Variants in SLC38A10 observed in about 807,000 individuals in gnomAD.
SLC38A10 encodes solute carrier family 38 member 10, also known as Sodium-coupled neutral amino acid transporter 10.
Under a neutral mutation model 81.0 loss-of-function variants are expected in SLC38A10, and 53 were observed. That is an observed-to-expected ratio of 0.65 (90% CI 0.53 to 0.82). The LOEUF is 0.82. Among genes scored for constraint, SLC38A10 ranks in the 40% least tolerant of loss-of-function variants. The probability of loss-of-function intolerance (pLI) is 0.00; values close to 1 mark genes in which losing one functional copy is unlikely to be tolerated. For missense variants in SLC38A10, 1,471 were observed against 1,545.0 expected, an observed-to-expected ratio of 0.95 and a Z score of 0.80; for synonymous variants, 665 against 655.3, an observed-to-expected ratio of 1.01 and a Z score of -0.23.
At chr17:81,251,667 G>C (rs146693715) in intron 13 of SLC38A10, 55 bp from the exon 14 acceptor site, 6 of 1,449,730 alleles carry the variant, frequency 4.1e-6, no homozygotes, top group South Asian at 1.5e-5. Flanking sequence ...GGGAGGGTTT[G>C]GGGGGTTGGG....
chr17:81,246,073 G>C lies in SLC38A10; in HGVS notation c.2843C>G (p.Ala948Gly). 6.2e-7 allele frequency: 1 copy of C among 1,608,740 alleles called. No individual in the cohort carries two copies. Among genetic ancestry groups the C allele is most frequent in the East Asian group, 2.2e-5 (1 of 44,866 alleles). ...TAACACAGCCTGGGGCTGTGCAGCT[G>C]CTCCTTCCGCCCCACCGGGCAGGTC... ...AADLPGGAEG[A>G]AAQPQAVLRQ... is the part of the protein sequence containing the mutation. Residue 948 changes from alanine (A) to glycine (G), a missense_variant, in exon 16 of 16, where the codon GCA becomes GGA. Transcript: ENST00000374759.
Position 81,294,975 on chromosome 17 carries a change from G to T in SLC38A10, c.-54C>A. Reference sequence around the variant, plus strand: ...AGGCCTCGGGGGTCGCCGGGCTGCGGCCGGCTTTGGAAGCCCAGCCCGAGG... The same window carrying T: ...AGGCCTCGGGGGTCGCCGGGCTGCGTCCGGCTTTGGAAGCCCAGCCCGAGG... On this transcript the variant is annotated 5_prime_UTR_variant, in exon 1 of 16. Coordinates refer to ENST00000374759, the MANE Select transcript of SLC38A10 (RefSeq NM_001037984.3). The T allele has an allele frequency of 6.6e-7, 1 of 1,522,556 alleles. No homozygotes were observed. The highest frequency in any genetic ancestry group is 1.2e-5 in the South Asian group (1 of 81,936). The allele number at this position is 1,522,556 out of a possible 1,614,324, so 94.3% of individuals were successfully genotyped here.
Position 81,283,559 on chromosome 17 carries a change from G to A in SLC38A10, c.264-57C>T. 7.1e-7 allele frequency: 1 copy of A among 1,408,582 alleles called. No homozygotes were observed. The highest frequency in any genetic ancestry group is 9.9e-7 in the Non-Finnish European group (1 of 1,010,758). 87.3% of individuals were successfully genotyped at this position (1,408,582 alleles called of 1,614,324 possible). ...ATCAGGGCAAGCTGGCACACACCTG[G>A]GCTGCCGCCAGGGACTACCCCAAGG... On this transcript the variant is annotated intron_variant, in intron 3 of 15. Coordinates refer to ENST00000374759, the MANE Select transcript of SLC38A10 (RefSeq NM_001037984.3). The surrounding 1 kb of genome is among the most constrained non-coding windows in gnomAD (Gnocchi z 4.7).
intron 13 of SLC38A10, 108 bp from the exon 14 acceptor site, chr17:81,251,720 T>C (rs1484079648): frequency 8.0e-7 from 1 of 1,245,788 alleles, no homozygotes; most frequent in African/African-American, 1.5e-5. Context: ...GGCAGATGTT[T>C]CTAAAGTGAC....
Position 81,277,022 on chromosome 17 carries a change from G to C in SLC38A10, c.729+9C>G. 1.9e-6 allele frequency: 3 copies of C among 1,613,162 alleles called. No homozygotes were observed. Among genetic ancestry groups the C allele is most frequent in the South Asian group, 1.1e-5 (1 of 91,038 alleles). Reference sequence around the variant, plus strand: ...CACAGGGGCGGAGAGGGCGTGGCAAGGCTCTTACCATGACGTAGAAGGTGG... The same window carrying C: ...CACAGGGGCGGAGAGGGCGTGGCAACGCTCTTACCATGACGTAGAAGGTGG... On this transcript the variant is annotated intron_variant, in intron 7 of 15. Coordinates refer to ENST00000374759, the MANE Select transcript of SLC38A10 (RefSeq NM_001037984.3). This position sits in a 1 kb window ranked among gnomAD's most constrained non-coding sequence, Gnocchi z 4.5.
rs530876047 is a variant in SLC38A10 at position 81,286,613 on chromosome 17, C to T, written c.218-1718G>A. On this transcript the variant is annotated intron_variant, in intron 2 of 15. Coordinates refer to ENST00000374759, the MANE Select transcript of SLC38A10 (RefSeq NM_001037984.3). This position sits in a 1 kb window ranked among gnomAD's most constrained non-coding sequence, Gnocchi z 6.0. ...AGGTCCCGGGGACCCAGCCCTCCCC[C>T]GAGTGTGGACTCCCAGTGCGGGCCC... Among the ~76,000 whole-genome samples, 11 of 152,308 alleles carry T rather than the reference C, an allele frequency of 7.2e-5. No individual in the cohort carries two copies. Among genetic ancestry groups the T allele is most frequent in the African/African-American group, 2.4e-4 (10 of 41,568 alleles).
At position 81,289,864 on chromosome 17, in the gene SLC38A10, C is replaced by G; in HGVS notation, c.100-56G>C. The G allele has an allele frequency of 5.6e-6, 8 of 1,427,604 alleles. No individual in the cohort carries two copies. Among genetic ancestry groups the G allele is most frequent in the Non-Finnish European group, 7.6e-6 (8 of 1,056,102 alleles). The allele number at this position is 1,427,604 out of a possible 1,614,324, so 88.4% of individuals were successfully genotyped here. A position where few individuals can be genotyped will look rare whatever the true frequency, so the allele number is the denominator to read the frequency against. On this transcript the variant is annotated intron_variant, in intron 1 of 15. Transcript: ENST00000374759. The surrounding 1 kb of genome is among the most constrained non-coding windows in gnomAD (Gnocchi z 5.9). Reference sequence around the variant, plus strand: ...CAGCAGCAGGTGCTCCCCAGAGGCCCTCACCCCACACACGCGGCTCATGAG... The same window carrying G: ...CAGCAGCAGGTGCTCCCCAGAGGCCGTCACCCCACACACGCGGCTCATGAG...
chr17:81,252,222 C>T lies in SLC38A10; in HGVS notation c.1918G>A (p.Gly640Arg). 6.5e-7 allele frequency: 1 copy of T among 1,533,066 alleles called. No individual in the cohort carries two copies. The highest frequency in any genetic ancestry group is 8.7e-7 in the Non-Finnish European group (1 of 1,143,948). 95.0% of individuals were successfully genotyped at this position (1,533,066 alleles called of 1,614,324 possible). The part of the protein sequence containing the change: ...PPPGNAAGDT[G>R]QPAEDSDHGG... ...TGGTCGCTGTCCTCTGCGGGCTGCC[C>T]TGTGTCCCCGGCGGCGTTGCCTGGC... The change falls in exon 13 of 16, where the codon GGG (glycine) becomes AGG (arginine). Residue 640 changes from glycine (G) to arginine (R), a missense_variant. Gly to Arg is a moderately radical substitution (Grantham distance 125). Transcript: ENST00000374759.
rs2062844030 is a variant in SLC38A10 at position 81,245,838 on chromosome 17, G to C, written c.3078C>G (p.Val1026=). ...CATTGTCCGGCCTCTGGCCCCCCGG[G>C]ACAGCTCGTTTGAGCCCCAGCTCTG... is the stretch of plus-strand genomic sequence containing the variant. ...PEPELGLKRA[V]PGGQRPDNAK... Residue 1026 remains valine (V), a synonymous_variant, in exon 16 of 16, where the codon GTC becomes GTG. Transcript: ENST00000374759. 1 of 1,611,864 alleles carries C rather than the reference G, an allele frequency of 6.2e-7. No homozygotes were observed. The highest frequency in any genetic ancestry group is 1.3e-5 in the African/African-American group (1 of 74,930).
At chr17:81,255,738 G>GC (rs2062966119) in intron 11 of SLC38A10, among the ~76,000 whole-genome samples, 1 of 152,228 alleles carries the variant, frequency 6.6e-6, no homozygotes, top group Non-Finnish European at 1.5e-5. Context: ...GCTCACTCCG[G>GC]TAATCCCAGC....
Position 81,246,984 on chromosome 17 carries a change from A to T in SLC38A10, c.2143T>A (p.Leu715Met). Reference sequence around the variant, plus strand: ...AGCAGCTTCTCCTGCTGGTCCAGCAAGCGCTTTTGCTGCACCTGCTGTTCT... The same window carrying T: ...AGCAGCTTCTCCTGCTGGTCCAGCATGCGCTTTTGCTGCACCTGCTGTTCT... ...IKEQQVQQKR[L>M]LDQQEKLLAV... Residue 715 changes from leucine to methionine, a missense_variant, in exon 15 of 16, where the codon TTG (leucine) becomes ATG (methionine). This residue lies in a region of SLC38A10 where 751 missense variants were observed against 717.4 expected (regional missense o/e 1.05). Transcript: ENST00000374759. The T allele has an allele frequency of 1.9e-6, 3 of 1,606,458 alleles. No individual in the cohort carries two copies. The highest frequency in any genetic ancestry group is 2.5e-6 in the Non-Finnish European group (3 of 1,179,628).
chr17:81,275,881 A>C, intron 8 of SLC38A10, 88 bp downstream of exon 8: 19 of 1,424,364 alleles, frequency 1.3e-5, no homozygotes, highest in East Asian at 2.4e-5. Flanking sequence ...CTTTCCTGCT[A>C]TATCTCTGGT....
At chr17:81,250,937 G>T (rs2062904343) in intron 14 of SLC38A10, 3 of 1,247,590 alleles carry the variant, frequency 2.4e-6, no homozygotes, top group Middle Eastern at 3.1e-4. Context: ...TTCCTGGAGG[G>T]ACAGGTGACA....
rs1388951746 is a variant in SLC38A10 at position 81,265,754 on chromosome 17, T to C, written c.1131+5164A>G. On this transcript the variant is annotated intron_variant, in intron 10 of 15. Transcript: ENST00000374759. This position sits in a 1 kb window ranked among gnomAD's most constrained non-coding sequence, Gnocchi z 4.2. ...GGCGCCACAGGCCCAGGGTACGGCC[T>C]TGCGGTGCTGACATCTCCGTACCTA... 6.6e-6 allele frequency among the ~76,000 whole-genome samples: 1 copy of C among 152,216 alleles called. No individual in the cohort carries two copies. The highest frequency in any genetic ancestry group is 2.4e-5 in the African/African-American group (1 of 41,468).
At chr17:81,275,681 G>A (rs981481070) in intron 8 of SLC38A10, among the ~76,000 whole-genome samples, 12 of 137,934 alleles carry the variant, frequency 8.7e-5, no homozygotes, top group Non-Finnish European at 1.2e-4. Flanking sequence ...GCAGTGAGTC[G>A]AGATCGCGCC....
intron 11 of SLC38A10, among the ~76,000 whole-genome samples, chr17:81,258,201 C>T (rs900485817): frequency 6.6e-6 from 1 of 152,190 alleles, no homozygotes; most frequent in Non-Finnish European, 1.5e-5. Flanking sequence ...GCCTCTGCAG[C>T]ATCAAAGAGA....
chr17:81,256,708 CT>C (rs1169542299), intron 11 of SLC38A10, among the ~76,000 whole-genome samples: 29 of 152,390 alleles, frequency 1.9e-4, no homozygotes, highest in Middle Eastern at 3.4e-3. Flanking sequence ...GGCAACTTTT[CT>C]AAGAGCTGAT....
intron 11 of SLC38A10, among the ~76,000 whole-genome samples, chr17:81,258,585 C>T (rs912658673): frequency 4.6e-5 from 7 of 151,980 alleles, no homozygotes; most frequent in African/African-American, 1.7e-4. Flanking sequence ...GCCTGCTGGA[C>T]GAGGGCGACA....
Position 81,277,222 on chromosome 17 carries a change from TGA to T in SLC38A10, c.627-91_627-90del, listed in dbSNP as rs1441060368. The T allele has an allele frequency of 1.3e-5, 14 of 1,115,428 alleles. No individual in the cohort carries two copies. The East Asian group carries it at 1.7e-4, about 14-fold the overall frequency. The allele number at this position is 1,115,428 out of a possible 1,614,324, so 69.1% of individuals were successfully genotyped here. On this transcript the variant is annotated intron_variant, in intron 6 of 15. Transcript: ENST00000374759. The surrounding 1 kb of genome is among the most constrained non-coding windows in gnomAD (Gnocchi z 4.5). ...CTTCTAGGACCTCTCTGCAGCCCAG[TGA>T]GAGTCTCTGACCTTCCTTCATGCAA...
Sources: gnomAD v4.1 joint callset for allele counts (sites outside exome capture counted in the v4.1 genomes callset) on GRCh38, gnomAD v4.1.1 for gene constraint, gnomAD v4.1.1 regional missense constraint, Gnocchi (gnomAD v3.1) non-coding constraint, MANE v1.5 for transcripts, NCBI Gene and HGNC (gene_info 2026-07-23, HGNC 2026-07-21) for gene names.